The following ARF1 variants were observed in gnomAD, a reference collection of about 807,000 sequenced individuals.
ARF1 encodes the protein ADP-ribosylation factor 1.
A neutral mutation model predicts 18.0 loss-of-function variants in ARF1; 1 was observed. The observed-to-expected ratio is 0.06, with a 90% confidence interval of 0.02 to 0.26. The LOEUF (loss-of-function observed/expected upper bound fraction) is 0.26. ARF1 is among the 10% of genes least tolerant of loss of function. The pLI is 1.00. For synonymous variants in ARF1, 112 were observed against 96.3 expected (o/e 1.16, Z -0.95); for missense variants, 73 against 247.2 (o/e 0.30, Z 4.73).
Position 228,097,266 on chromosome 1 carries a change from A to G in ARF1, c.148+4A>G. 6.2e-7 allele frequency: 1 copy of G among 1,609,816 alleles called. No homozygotes were observed. Among genetic ancestry groups the G allele is most frequent in the Non-Finnish European group, 8.5e-7 (1 of 1,177,346 alleles). ...GTGACCACCATTCCCACCATAGGTG[A>G]GGTGGGGGCCAGCAGGGAGTGGGCT... On this transcript the variant is annotated splice_donor_region_variant and intron_variant, in intron 2 of 4. Transcript: ENST00000272102. This position sits in a 1 kb window ranked among gnomAD's most constrained non-coding sequence, Gnocchi z 8.1.
In ARF1 at chr1:228,096,053, C is replaced by G. The variant is rs143310687; in HGVS notation, c.-37-1025C>G. ...ATCAGACACGGGCGGCCAGTTCACA[C>G]CCACTGAAACACACAGGCATGTGTG... On this transcript the variant is annotated intron_variant, in intron 1 of 4. Coordinates refer to ENST00000272102, the MANE Select transcript of ARF1 (RefSeq NM_001658.4). Among the ~76,000 whole-genome samples the G allele has an allele frequency of 5.9e-3, 904 of 152,328 alleles. 11 individuals carry two copies. The highest frequency in any genetic ancestry group is 0.021 in the African/African-American group (874 of 41,576).
rs934172552 is a variant in ARF1, at chr1:228,097,729, C to G, written c.384+14C>G. 9 of 1,600,322 alleles carry G rather than the reference C, an allele frequency of 5.6e-6. No individual in the cohort carries two copies. The highest frequency in any genetic ancestry group is 6.8e-6 in the Non-Finnish European group (8 of 1,172,418). On this transcript the variant is annotated intron_variant, in intron 4 of 4. Coordinates refer to ENST00000272102, the MANE Select transcript of ARF1 (RefSeq NM_001658.4). The surrounding 1 kb of genome is among the most constrained non-coding windows in gnomAD (Gnocchi z 8.1). ...GCCAACAAGCAGGTAGGCGCCCGGG[C>G]CAGCCTGGGGAATGTGAGGAGCCAG... is the stretch of plus-strand genomic sequence containing the variant.
chr1:228,093,113 G>C (rs967581798), intron 1 of ARF1, among the ~76,000 whole-genome samples: 4 of 152,158 alleles, frequency 2.6e-5, no homozygotes, highest in Admixed American at 2.6e-4. Flanking sequence ...TTCTCAAAGT[G>C]TGAGGGGTCC....
chr1:228,089,369 G>A lies in ARF1; in HGVS notation c.-38+6604G>A, dbSNP rs1450663608. Among the ~76,000 whole-genome samples, 2 of 152,094 alleles carry A rather than the reference G, an allele frequency of 1.3e-5. No homozygotes were observed. Among genetic ancestry groups the A allele is most frequent in the Admixed American group, 6.5e-5 (1 of 15,276 alleles). ...AGGGCGGTGGCCTCCCAGGGTCTGT[G>A]GGGGGGCATCCCCGTCTCTTTACAT... is the stretch of plus-strand genomic sequence containing the variant. On this transcript the variant is annotated intron_variant, in intron 1 of 4. Transcript: ENST00000272102. This position sits in a 1 kb window ranked among gnomAD's most constrained non-coding sequence, Gnocchi z 4.1.
chr1:228,084,431 T>C (rs2032330745), intron 1 of ARF1, among the ~76,000 whole-genome samples: 2 of 152,262 alleles, frequency 1.3e-5, no homozygotes, highest in South Asian at 4.1e-4. Context: ...AGGAATATGC[T>C]GTTGCCTGTG....
chr1:228,096,251 G>T (rs1440629757), intron 1 of ARF1, among the ~76,000 whole-genome samples: 2 of 152,264 alleles, frequency 1.3e-5, no homozygotes, highest in African/African-American at 4.8e-5. Context: ...GTGCTCACAG[G>T]CTCCTGGCAT....
intron 1 of ARF1, chr1:228,090,765 A>C (rs1267773984): frequency 6.6e-6 from 1 of 152,316 alleles, no homozygotes; most frequent in Admixed American, 6.5e-5. Flanking sequence ...GCCAGGAAAC[A>C]GGGGTTTTAT....
At chr1:228,095,215 G>A (rs902985673) in intron 1 of ARF1, among the ~76,000 whole-genome samples, 2 of 128,762 alleles carry the variant, frequency 1.6e-5, no homozygotes, top group African/African-American at 5.8e-5. Flanking sequence ...CCTCCTTGCA[G>A]ATTCCTTTTA....
Position 228,098,591 on chromosome 1 carries a change from A to G in ARF1, c.*578A>G, listed in dbSNP as rs1176890038. On this transcript the variant is annotated 3_prime_UTR_variant, in exon 5 of 5. Transcript: ENST00000272102. ...AGACTGCGATCAATTCTGCATGGTC[A>G]CAGTAGAGATCCCCGCAACTCGCTT... The G allele has an allele frequency of 6.6e-6, 1 of 152,644 alleles. No individual in the cohort carries two copies. 9.5% of individuals were successfully genotyped at this position (152,644 alleles called of 1,614,324 possible).
intron 1 of ARF1, among the ~76,000 whole-genome samples, chr1:228,094,641 C>T (rs1279811484): frequency 6.6e-6 from 1 of 152,114 alleles, no homozygotes; most frequent in Non-Finnish European, 1.5e-5. Flanking sequence ...TAGGCTGCTG[C>T]TCTCTCTCCA....
chr1:228,083,154 G>T (rs1369361933), intron 1 of ARF1: 1 of 152,184 alleles, frequency 6.6e-6, no homozygotes, highest in Admixed American at 6.5e-5. Flanking sequence ...GAGGCCGCCC[G>T]CGCGTGGACG....
In ARF1 at chr1:228,087,402, T is replaced by G. The variant is rs1302432215; in HGVS notation, c.-38+4637T>G. Among the ~76,000 whole-genome samples the G allele has an allele frequency of 2.0e-5, 3 of 152,218 alleles. No homozygotes were observed. In the East Asian group the frequency reaches 5.8e-4, roughly 29 times the overall value. On this transcript the variant is annotated intron_variant, in intron 1 of 4. Coordinates refer to ENST00000272102, the MANE Select transcript of ARF1 (RefSeq NM_001658.4). ...GGGAATGCAGTTGCTCACTCACCAA[T>G]CAAATTTATTGATTTATATTTAAAA...
intron 1 of ARF1, among the ~76,000 whole-genome samples, chr1:228,092,300 C>G (rs114741819): frequency 0.016 from 2,369 of 152,244 alleles, 79 homozygotes; most frequent in African/African-American, 0.054. Flanking sequence ...TATTAAAAAT[C>G]AGCTAGGCAT....
In ARF1 at chr1:228,097,129, C is replaced by T. The variant is rs368437375; in HGVS notation, c.15C>T (p.Phe5=). The change falls in exon 2 of 5, where the codon TTC becomes TTT. Residue 5 remains phenylalanine, a synonymous_variant. Transcript: ENST00000272102. The surrounding 1 kb of genome is among the most constrained non-coding windows in gnomAD (Gnocchi z 8.1). ...TGTCCACAAGCATGGGGAACATCTT[C>T]GCCAACCTCTTCAAGGGCCTTTTTG... MGNI[F]ANLFKGLFGK... is the part of the protein sequence containing the mutation. The T allele has an allele frequency of 1.1e-5, 17 of 1,605,856 alleles. No individual in the cohort carries two copies. The highest frequency in any genetic ancestry group is 5.0e-5 in the Admixed American group (3 of 59,428).
Position 228,097,954 on chromosome 1 carries a change from G to A in ARF1, c.487G>A (p.Gly163Ser). The part of the protein sequence containing the change: ...WYIQATCATS[G>S]DGLYEGLDWL... Reference sequence around the variant, plus strand: ...CATTCAGGCCACCTGCGCCACCAGCGGCGACGGGCTCTATGAAGGACTGGA... The same window carrying A: ...CATTCAGGCCACCTGCGCCACCAGCAGCGACGGGCTCTATGAAGGACTGGA... Residue 163 changes from glycine (G) to serine (S), a missense_variant, in exon 5 of 5, where the codon GGC becomes AGC. This residue lies in a region of ARF1 where 48 missense variants were observed against 144.7 expected (regional missense o/e 0.33). Coordinates refer to ENST00000272102, the MANE Select transcript of ARF1 (RefSeq NM_001658.4). This position sits in a 1 kb window ranked among gnomAD's most constrained non-coding sequence, Gnocchi z 8.1. 1.9e-6 allele frequency: 3 copies of A among 1,614,190 alleles called. No individual in the cohort carries two copies. The highest frequency in any genetic ancestry group is 1.7e-5 in the Admixed American group (1 of 60,030).
intron 1 of ARF1, among the ~76,000 whole-genome samples, chr1:228,083,776 A>G (rs896739291): frequency 1.3e-5 from 2 of 152,232 alleles, no homozygotes; most frequent in Non-Finnish European, 2.9e-5. Context: ...GTGCGCACCT[A>G]GAGTGTTAAA....
At chr1:228,086,945 A>C (rs908282227) in intron 1 of ARF1, among the ~76,000 whole-genome samples, 1 of 152,212 alleles carries the variant, frequency 6.6e-6, no homozygotes, top group African/African-American at 2.4e-5. Context: ...CTGCTGCAGA[A>C]CGCAGAACTG....
Position 228,098,108 on chromosome 1 carries a change from GTGGTT to G in ARF1, c.*100_*104del. The G allele has an allele frequency of 2.7e-6, 4 of 1,475,480 alleles. No homozygotes were observed. Among genetic ancestry groups the G allele is most frequent in the Non-Finnish European group, 3.7e-6 (4 of 1,094,616 alleles). The allele number at this position is 1,475,480 out of a possible 1,614,324, so 91.4% of individuals were successfully genotyped here. On this transcript the variant is annotated 3_prime_UTR_variant, in exon 5 of 5. Transcript: ENST00000272102. ...GGTGTGAGTGCCAGAAGCTGCCTCC[GTGGTT>G]TGGTCACCGTGTGCATCGCACCGTG...
intron 1 of ARF1, among the ~76,000 whole-genome samples, chr1:228,094,475 G>T (rs1054295835): frequency 6.6e-6 from 1 of 151,918 alleles, no homozygotes; most frequent in Non-Finnish European, 1.5e-5. Context: ...TTTTTCATGC[G>T]AACCTGTCAT....
Sources: gnomAD v4.1 joint callset for allele counts (sites outside exome capture counted in the v4.1 genomes callset) on GRCh38, gnomAD v4.1.1 for gene constraint, gnomAD v4.1.1 regional missense constraint, Gnocchi (gnomAD v3.1) non-coding constraint, MANE v1.5 for transcripts, NCBI Gene and HGNC (gene_info 2026-07-23, HGNC 2026-07-21) for gene names.